The following DMXL1 variants were observed in gnomAD, a reference collection of about 807,000 sequenced individuals.
The protein encoded by DMXL1 is dmX-like protein 1.
Under a neutral mutation model 319.2 loss-of-function variants are expected in DMXL1, and 99 were observed. The ratio of observed to expected loss-of-function variants is 0.31; its 90% CI spans 0.26 to 0.37. The LOEUF is 0.37. Among genes scored for constraint, DMXL1 ranks in the 10% least tolerant of loss-of-function variants. DMXL1 has a pLI of 1.00. For synonymous variants in DMXL1, 1,385 were observed against 1,235.2 expected (o/e 1.12, Z -2.54); for missense variants, 3,745 against 3,595.6 (o/e 1.04, Z -1.06).
intron 1 of DMXL1, among the ~76,000 whole-genome samples, chr5:119,082,932 C>G (rs941616101): frequency 8.5e-5 from 13 of 152,186 alleles, no homozygotes; most frequent in Non-Finnish European, 1.8e-4. Context: ...TTTTGTAGCT[C>G]CCACATATGA....
At chr5:119,164,785 A>G (rs756036575) in intron 20 of DMXL1, 109 bp downstream of exon 20, 3 of 998,216 alleles carry the variant, frequency 3.0e-6, no homozygotes, top group Admixed American at 2.6e-5. Context: ...TGAAGCAGCA[A>G]AAGGCTTTTG....
chr5:119,214,264 C>T (rs1278801492), intron 34 of DMXL1, among the ~76,000 whole-genome samples: 2 of 152,086 alleles, frequency 1.3e-5, no homozygotes, highest in African/African-American at 2.4e-5. Context: ...CTTTTATTCA[C>T]ACTATGATTA....
In DMXL1 at chr5:119,129,268, C is replaced by G; in HGVS notation, c.1160C>G (p.Thr387Ser). Residue 387 changes from threonine to serine, a missense_variant, in exon 10 of 44, where the codon ACC becomes AGC. Physicochemically the swap from Thr to Ser is moderately conservative, Grantham distance 58 (BLOSUM62 1). Transcript: ENST00000539542. ...SLSLNENEEK[T>S]GPFVVHWLNN... Reference sequence around the variant, plus strand: ...AGTCTAAATGAAAATGAAGAGAAGACCGGACCTTTTGTTGTACACTGGCTA... The same window carrying G: ...AGTCTAAATGAAAATGAAGAGAAGAGCGGACCTTTTGTTGTACACTGGCTA... The G allele has an allele frequency of 6.2e-7, 1 of 1,613,532 alleles. No homozygotes were observed. Among genetic ancestry groups the G allele is most frequent in the South Asian group, 1.1e-5 (1 of 91,048 alleles).
chr5:119,129,482 T>C (rs1764324907), intron 10 of DMXL1, 59 bp downstream of exon 10: 1 of 1,265,268 alleles, frequency 7.9e-7, no homozygotes, highest in South Asian at 1.4e-5. Context: ...AACATTTTCA[T>C]ATTAGGGTAA....
intron 4 of DMXL1, among the ~76,000 whole-genome samples, chr5:119,108,044 C>T (rs1758740304): frequency 6.6e-6 from 1 of 152,100 alleles, no homozygotes; most frequent in African/African-American, 2.4e-5. Context: ...AAAGTCTATG[C>T]CAGAGATCCA....
intron 38 of DMXL1, among the ~76,000 whole-genome samples, chr5:119,231,765 A>C (rs1455282090): frequency 1.3e-5 from 2 of 152,188 alleles, no homozygotes; most frequent in Non-Finnish European, 2.9e-5. Flanking sequence ...ACAGTATTTG[A>C]TTGGTTAAGT....
intron 19 of DMXL1, among the ~76,000 whole-genome samples, chr5:119,155,009 A>T (rs945527333): frequency 6.6e-6 from 1 of 152,274 alleles, no homozygotes; most frequent in African/African-American, 2.4e-5. Flanking sequence ...CTCTGTTTAT[A>T]GCATAATTTA....
Position 119,208,595 on chromosome 5 carries a change from A to G in DMXL1, c.7926+1699A>G, listed in dbSNP as rs144488971. ...AATAATCATAATGTTGTATTTCTATAGTCAGCTTCATGCTACGTCAAAATA... is the reference window on the plus strand; with the variant it reads ...AATAATCATAATGTTGTATTTCTATGGTCAGCTTCATGCTACGTCAAAATA... On this transcript the variant is annotated intron_variant, in intron 34 of 43. Transcript: ENST00000539542. 8.4e-4 allele frequency among the ~76,000 whole-genome samples: 128 copies of G among 152,222 alleles called. 1 individual carries two copies. Among genetic ancestry groups the G allele is most frequent in the African/African-American group, 3.0e-3 (125 of 41,542 alleles).
At chr5:119,130,742 C>G (rs574476877) in intron 10 of DMXL1, among the ~76,000 whole-genome samples, 1 of 152,206 alleles carries the variant, frequency 6.6e-6, no homozygotes, top group East Asian at 1.9e-4. Flanking sequence ...TCTAACAGGT[C>G]TTCTATTGAT....
intron 19 of DMXL1, among the ~76,000 whole-genome samples, chr5:119,157,732 T>C (rs574250124): frequency 1.4e-4 from 22 of 152,342 alleles, no homozygotes; most frequent in Non-Finnish European, 2.9e-4. Flanking sequence ...CTTTGTAATA[T>C]AGTTTGAAAT....
chr5:119,206,828 A>G lies in DMXL1; in HGVS notation c.7864-6A>G. On this transcript the variant is annotated splice_polypyrimidine_tract_variant and splice_region_variant and intron_variant, in intron 33 of 43. Coordinates refer to ENST00000539542, the MANE Select transcript of DMXL1 (RefSeq NM_001290321.3). ...TTTGTCATGTGGTTATTCTTTCTTG[A>G]TGAAGTCATTAGAGGACAACAGTGA... The G allele has an allele frequency of 6.6e-7, 1 of 1,507,898 alleles. No homozygotes were observed. Among genetic ancestry groups the G allele is most frequent in the South Asian group, 1.2e-5 (1 of 81,262 alleles). 93.4% of individuals were successfully genotyped at this position (1,507,898 alleles called of 1,614,324 possible). A position where few individuals can be genotyped will look rare whatever the true frequency, so the allele number is the denominator to read the frequency against.
At chr5:119,138,444 C>G (rs960423775) in intron 13 of DMXL1, among the ~76,000 whole-genome samples, 16 of 152,096 alleles carry the variant, frequency 1.1e-4, no homozygotes, top group Non-Finnish European at 2.2e-4. Context: ...ATCTGGAGTT[C>G]AGAGAGAGGT....
chr5:119,094,992 A>G (rs1476180896), intron 1 of DMXL1, among the ~76,000 whole-genome samples: 1 of 151,716 alleles, frequency 6.6e-6, no homozygotes, highest in Non-Finnish European at 1.5e-5. Flanking sequence ...GGTAGCTGGG[A>G]CTACAGGCGT....
At chr5:119,201,256 T>C (rs535893819) in intron 32 of DMXL1, among the ~76,000 whole-genome samples, 2 of 152,300 alleles carry the variant, frequency 1.3e-5, no homozygotes, top group African/African-American at 4.8e-5. Flanking sequence ...ATACCTAGCT[T>C]ATTGAGAGTT....
At chr5:119,080,827 C>T (rs2149688899) in intron 1 of DMXL1, among the ~76,000 whole-genome samples, 1 of 152,288 alleles carries the variant, frequency 6.6e-6, no homozygotes, top group African/African-American at 2.4e-5. Context: ...TAAACTGTAG[C>T]TATATCTAAC....
At chr5:119,193,611 C>A (rs904778931) in intron 29 of DMXL1, among the ~76,000 whole-genome samples, 3 of 151,842 alleles carry the variant, frequency 2.0e-5, no homozygotes, top group Admixed American at 2.0e-4. Flanking sequence ...GAATTCTTGC[C>A]GCACAGTGGA....
At chr5:119,078,614 A>G (rs1227150921) in intron 1 of DMXL1, among the ~76,000 whole-genome samples, 1 of 152,136 alleles carries the variant, frequency 6.6e-6, no homozygotes, top group South Asian at 2.1e-4. Flanking sequence ...CACCATGCCC[A>G]GCTAATTTTT....
intron 28 of DMXL1, among the ~76,000 whole-genome samples, chr5:119,182,348 A>G (rs973191195): frequency 1.3e-5 from 2 of 152,192 alleles, no homozygotes; most frequent in South Asian, 2.1e-4. Context: ...TTGAAGATGA[A>G]ATACGTGCAT....
intron 13 of DMXL1, among the ~76,000 whole-genome samples, chr5:119,141,400 A>G (rs904580478): frequency 6.6e-6 from 1 of 152,228 alleles, no homozygotes; most frequent in Non-Finnish European, 1.5e-5. Context: ...GCTTCAGTAA[A>G]GTTTCAGGAT....
Sources: gnomAD v4.1 joint callset for allele counts (sites outside exome capture counted in the v4.1 genomes callset) on GRCh38, gnomAD v4.1.1 for gene constraint, MANE v1.5 for transcripts, NCBI Gene and HGNC (gene_info 2026-07-23, HGNC 2026-07-21) for gene names.